Variants in ERVV-2 observed in about 807,000 individuals in gnomAD.
The protein encoded by ERVV-2 is endogenous retrovirus group V member 2 Env polyprotein.
For missense variants in ERVV-2, 291 were observed against 495.1 expected (o/e 0.59, Z 3.91); for synonymous variants, 105 against 184.6 (o/e 0.57, Z 3.49).
In ERVV-2 at chr19:53,050,877, A is replaced by T; in HGVS notation, c.*18A>T. On this transcript the variant is annotated 3_prime_UTR_variant, in exon 2 of 2. Transcript: ENST00000601417. ...CTCTCTGAGACAGAGCAAGAGAGGG[A>T]GACCCTGATGACTTCTTCGCCCCAT... 6 of 1,499,182 alleles carry T rather than the reference A, an allele frequency of 4.0e-6. No individual in the cohort carries two copies. The highest frequency in any genetic ancestry group is 4.4e-6 in the Non-Finnish European group (5 of 1,131,548). The allele number at this position is 1,499,182 out of a possible 1,614,324, so 92.9% of individuals were successfully genotyped here.
chr19:53,047,222 C>T (rs1311688415), intron 1 of ERVV-2, among the ~76,000 whole-genome samples: 1 of 151,640 alleles, frequency 6.6e-6, no homozygotes, highest in Non-Finnish European at 1.5e-5. Flanking sequence ...GTGGTGGACA[C>T]CAGTAATCCC....
chr19:53,045,999 T>C (rs1010534969), intron 1 of ERVV-2, among the ~76,000 whole-genome samples: 3 of 152,090 alleles, frequency 2.0e-5, no homozygotes, highest in Non-Finnish European at 2.9e-5. Flanking sequence ...CGGTGGCTCA[T>C]GCCTGTAATC....
chr19:53,051,011 T>G lies in ERVV-2; in HGVS notation c.*152T>G, dbSNP rs34520217. 0.38 allele frequency: 277,182 copies of G among 731,720 alleles called. 54,658 individuals carry two copies. The highest frequency in any genetic ancestry group is 0.51 in the Admixed American group (16,095 of 31,518). The allele number at this position is 731,720 out of a possible 1,614,324, so 45.3% of individuals were successfully genotyped here. Reference sequence around the variant, plus strand: ...ATTAGGGTAGGCAGGTAGGCAGGCATGAGCAGGCAAGAGAGCCCTTGGGAA... The same window carrying G: ...ATTAGGGTAGGCAGGTAGGCAGGCAGGAGCAGGCAAGAGAGCCCTTGGGAA... On this transcript the variant is annotated 3_prime_UTR_variant, in exon 2 of 2. Coordinates refer to ENST00000601417, the MANE Select transcript of ERVV-2 (RefSeq NM_001191055.2).
At chr19:53,048,079 C>T (rs1180871737) in intron 1 of ERVV-2, among the ~76,000 whole-genome samples, 7 of 152,118 alleles carry the variant, frequency 4.6e-5, no homozygotes, top group East Asian at 1.9e-4. Context: ...CGGTGGCTCA[C>T]GCCTGTAATC....
chr19:53,045,983 C>T (rs1233899051), intron 1 of ERVV-2, among the ~76,000 whole-genome samples: 3 of 152,098 alleles, frequency 2.0e-5, no homozygotes, highest in Admixed American at 6.5e-5. Flanking sequence ...TCATTTTGGC[C>T]GGGCACGGTG....
chr19:53,047,453 A>T (rs2083895642), intron 1 of ERVV-2, among the ~76,000 whole-genome samples: 1 of 152,186 alleles, frequency 6.6e-6, no homozygotes, highest in African/African-American at 2.4e-5. Flanking sequence ...AAGAGAAGAG[A>T]ACTACTCTCA....
At position 53,050,991 on chromosome 19, in the gene ERVV-2, G is replaced by A. The variant is rs1477237050; in HGVS notation, c.*132G>A. ...CATCTCTTGAGGAGGGAAATATTAG[G>A]GTAGGCAGGTAGGCAGGCATGAGCA... is the stretch of plus-strand genomic sequence containing the variant. On this transcript the variant is annotated 3_prime_UTR_variant, in exon 2 of 2. Coordinates refer to ENST00000601417, the MANE Select transcript of ERVV-2 (RefSeq NM_001191055.2). 1.3e-6 allele frequency: 1 copy of A among 750,988 alleles called. No homozygotes were observed. The highest frequency in any genetic ancestry group is 2.0e-5 in the South Asian group (1 of 50,762). 46.5% of individuals were successfully genotyped at this position (750,988 alleles called of 1,614,324 possible).
chr19:53,045,512 A>T lies in ERVV-2; in HGVS notation c.-386+554A>T, dbSNP rs150643806. Among the ~76,000 whole-genome samples, 435 of 152,258 alleles carry T rather than the reference A, an allele frequency of 2.9e-3. 4 individuals are homozygous for T. The highest frequency in any genetic ancestry group is 9.8e-3 in the African/African-American group (407 of 41,556). On this transcript the variant is annotated intron_variant, in intron 1 of 1. Transcript: ENST00000601417. ...GAGACAGAGTTTCACCATATTGGCC[A>T]GGCTGGTCTCGAACTCCTGACCTCG...
At chr19:53,046,191 G>A (rs1211769919) in intron 1 of ERVV-2, among the ~76,000 whole-genome samples, 1 of 152,018 alleles carries the variant, frequency 6.6e-6, no homozygotes. Flanking sequence ...GAACCCGGGA[G>A]CTGGCCATTG....
In ERVV-2 at chr19:53,050,798, T is replaced by A. The variant is rs1385793247; in HGVS notation, c.1547T>A (p.Ile516Asn). 3.3e-6 allele frequency: 5 copies of A among 1,535,712 alleles called. No individual in the cohort carries two copies. The Admixed American group carries it at 7.9e-5, about 24-fold the overall frequency. Reference protein sequence around the residue: ...VIGGPSTYKHISPLDASGQRF... With the variant: ...VIGGPSTYKHNSPLDASGQRF... ...GGAGGCCCCAGCACCTATAAGCACATCTCCCCCTTGGATGCCAGTGGGCAA... is the reference window on the plus strand; with the variant it reads ...GGAGGCCCCAGCACCTATAAGCACAACTCCCCCTTGGATGCCAGTGGGCAA... The change falls in exon 2 of 2, where the codon ATC becomes AAC. Residue 516 changes from isoleucine to asparagine, a missense_variant. Coordinates refer to ENST00000601417, the MANE Select transcript of ERVV-2 (RefSeq NM_001191055.2).
Position 53,051,003 on chromosome 19 carries a change from GGCAGGCATGA to G in ERVV-2, c.*152_*161del, listed in dbSNP as rs201123999. On this transcript the variant is annotated 3_prime_UTR_variant, in exon 2 of 2. Transcript: ENST00000601417. Reference sequence around the variant, plus strand: ...AGGGAAATATTAGGGTAGGCAGGTAGGCAGGCATGAGCAGGCAAGAGAGCCCTTGGGAAAG... The same window carrying G: ...AGGGAAATATTAGGGTAGGCAGGTAGGCAGGCAAGAGAGCCCTTGGGAAAG... 750 of 708,420 alleles carry G rather than the reference GGCAGGCATGA, an allele frequency of 1.1e-3. 9 individuals carry two copies. The East Asian group carries it at 0.018, about 17-fold the overall frequency. The allele number at this position is 708,420 out of a possible 1,614,324, so 43.9% of individuals were successfully genotyped here.
rs543168344 is a variant in ERVV-2, at chr19:53,050,714, G to A, written c.1463G>A (p.Arg488Lys). The change falls in exon 2 of 2, where the codon AGG becomes AAG. Residue 488 changes from arginine (R) to lysine (K), a missense_variant. Arg to Lys is a conservative substitution (Grantham distance 26). Transcript: ENST00000601417. ...TTACTGATTAAGTGTGTCTCTTCTA[G>A]GATAAAGCAATTTCACATGAAGTCC... is the stretch of plus-strand genomic sequence containing the variant. ...FNLLIKCVSS[R>K]IKQFHMKSPQ... The A allele has an allele frequency of 2.3e-5, 35 of 1,535,756 alleles. 1 individual carries two copies. The South Asian group carries it at 3.9e-4, about 17-fold the overall frequency.
rs1220258980 is a variant in ERVV-2, at chr19:53,051,172, G to C, written c.*313G>C. 5.9e-6 allele frequency: 1 copy of C among 169,590 alleles called. No homozygotes were observed. The highest frequency in any genetic ancestry group is 9.9e-6 in the Non-Finnish European group (1 of 100,600). The allele number at this position is 169,590 out of a possible 1,614,324, so 10.5% of individuals were successfully genotyped here. On this transcript the variant is annotated 3_prime_UTR_variant, in exon 2 of 2. Transcript: ENST00000601417. ...TTTTTTTTTTTTTTTTTTGAGACAAGTTCTTGCTCTGTCTCCCAGGCTGGA... is the reference window on the plus strand; with the variant it reads ...TTTTTTTTTTTTTTTTTTGAGACAACTTCTTGCTCTGTCTCCCAGGCTGGA...
intron 1 of ERVV-2, among the ~76,000 whole-genome samples, chr19:53,046,640 T>C (rs1600774733): frequency 1.3e-5 from 2 of 152,390 alleles, no homozygotes; most frequent in East Asian, 3.9e-4. Context: ...GGGGGTCTTC[T>C]ATGCTTTTCA....
chr19:53,050,840 T>G lies in ERVV-2; in HGVS notation c.1589T>G (p.Met530Arg). ...AGTGGGCAAAGATTCCGGGAAACTA[T>G]GGAGGAATTTTCTCTCTGAGACAGA... is the stretch of plus-strand genomic sequence containing the variant. ...DASGQRFRET[M>R]EEFSL The change falls in exon 2 of 2, where the codon ATG (methionine) becomes AGG (arginine). Residue 530 changes from methionine (M) to arginine (R), a missense_variant. Physicochemically the swap from Met to Arg is moderately conservative, Grantham distance 91. Coordinates refer to ENST00000601417, the MANE Select transcript of ERVV-2 (RefSeq NM_001191055.2). 2 of 1,532,406 alleles carry G rather than the reference T, an allele frequency of 1.3e-6. No homozygotes were observed. The highest frequency in any genetic ancestry group is 1.7e-6 in the Non-Finnish European group (2 of 1,145,486). The allele number at this position is 1,532,406 out of a possible 1,614,324, so 94.9% of individuals were successfully genotyped here.
chr19:53,051,013 AGC>A lies in ERVV-2; in HGVS notation c.*155_*156del. 2 of 705,166 alleles carry A rather than the reference AGC, an allele frequency of 2.8e-6. No homozygotes were observed. The highest frequency in any genetic ancestry group is 2.3e-6 in the Non-Finnish European group (1 of 443,994). 43.7% of individuals were successfully genotyped at this position (705,166 alleles called of 1,614,324 possible). A position where few individuals can be genotyped will look rare whatever the true frequency, so the allele number is the denominator to read the frequency against. ...TAGGGTAGGCAGGTAGGCAGGCATG[AGC>A]AGGCAAGAGAGCCCTTGGGAAAGGA... On this transcript the variant is annotated 3_prime_UTR_variant, in exon 2 of 2. Transcript: ENST00000601417.
rs930804588 is a variant in ERVV-2, at chr19:53,050,610, C to G, written c.1359C>G (p.Ser453=). 4.6e-5 allele frequency: 54 copies of G among 1,162,662 alleles called. No homozygotes were observed. The highest frequency in any genetic ancestry group is 6.3e-5 in the Non-Finnish European group (51 of 806,432). 72.0% of individuals were successfully genotyped at this position (1,162,662 alleles called of 1,614,324 possible). A position where few individuals can be genotyped will look rare whatever the true frequency, so the allele number is the denominator to read the frequency against. Residue 453 remains serine, a synonymous_variant, in exon 2 of 2, where the codon TCC becomes TCG. Transcript: ENST00000601417. ...AGGCTGTGAAGTCTGCCCTCCCCTC[C>G]CTCAACTGGTTTGTCCCTTTACTGG... is the stretch of plus-strand genomic sequence containing the variant. The part of the protein sequence containing the change: ...IWEAVKSALP[S]LNWFVPLLGP...
At chr19:53,047,064 C>T (rs988918248) in intron 1 of ERVV-2, among the ~76,000 whole-genome samples, 1 of 151,978 alleles carries the variant, frequency 6.6e-6, no homozygotes, top group Non-Finnish European at 1.5e-5. Context: ...GCGGCTGAGG[C>T]AGAAGAATCT....
chr19:53,050,446 T>G lies in ERVV-2; in HGVS notation c.1195T>G (p.Cys399Gly). ...CCTCTTAGCAGAGCAGGGTGGAGTC[T>G]GTGCAGTGATCAATAAATCCTGTTG... ...DYLLAEQGGV[C>G]AVINKSCCVY... The change falls in exon 2 of 2, where the codon TGT (cysteine) becomes GGT (glycine). Residue 399 changes from cysteine to glycine, a missense_variant. Physicochemically the swap from Cys to Gly is radical, Grantham distance 159. Transcript: ENST00000601417. The G allele has an allele frequency of 1.4e-6, 1 of 723,422 alleles. No homozygotes were observed. Among genetic ancestry groups the G allele is most frequent in the Non-Finnish European group, 2.5e-6 (1 of 403,770 alleles). 44.8% of individuals were successfully genotyped at this position (723,422 alleles called of 1,614,324 possible). A position where few individuals can be genotyped will look rare whatever the true frequency, so the allele number is the denominator to read the frequency against.
Sources: allele counts gnomAD v4.1 joint callset (sites outside exome capture counted in the v4.1 genomes callset), GRCh38; gene constraint gnomAD v4.1.1; transcripts MANE v1.5; gene names NCBI Gene and HGNC (gene_info 2026-07-23, HGNC 2026-07-21).